Variants in CDH8 observed in about 807,000 individuals in gnomAD.
CDH8 encodes the protein cadherin 8, also known as cadherin-8.
In CDH8, 17 loss-of-function variants were observed where a neutral mutation model predicts 68.1. The observed-to-expected ratio is 0.25, with a 90% CI of 0.17 to 0.37. The LOEUF (loss-of-function observed/expected upper bound fraction) is 0.37, where lower values mean the gene tolerates loss of function less well. CDH8 is among the 10% of genes least tolerant of loss of function. The pLI is 1.00. For missense variants in CDH8, 763 were observed against 999.3 expected (o/e 0.76, Z 3.19); for synonymous variants, 372 against 365.1 (o/e 1.02, Z -0.21).
chr16:61,901,003 C>T (rs978522819), intron 3 of CDH8, 176 bp downstream of exon 3: 4 of 578,014 alleles, frequency 6.9e-6, no homozygotes, highest in Non-Finnish European at 1.2e-5. Flanking sequence ...GTTCCTGTTA[C>T]TAAGGGACTA....
intron 2 of CDH8, among the ~76,000 whole-genome samples, chr16:61,903,586 C>CA (rs1964016441): frequency 6.6e-6 from 1 of 152,222 alleles, no homozygotes; most frequent in East Asian, 1.9e-4. Flanking sequence ...GCTGGGATTA[C>CA]AGGCGTGAGC....
chr16:61,882,188 A>C (rs1243932736), intron 3 of CDH8, among the ~76,000 whole-genome samples: 1 of 152,198 alleles, frequency 6.6e-6, no homozygotes, highest in East Asian at 1.9e-4. Flanking sequence ...TACTTTAATC[A>C]TGATATCTTG....
At chr16:61,755,118 G>GA in intron 8 of CDH8, among the ~76,000 whole-genome samples, 1 of 152,200 alleles carries the variant, frequency 6.6e-6, no homozygotes, top group Middle Eastern at 3.2e-3. Context: ...CGACTCTTGT[G>GA]AAAAGAAGTT....
intron 4 of CDH8, among the ~76,000 whole-genome samples, chr16:61,827,889 C>T (rs549882146): frequency 1.3e-5 from 2 of 151,908 alleles, no homozygotes; most frequent in East Asian, 2.0e-4. Context: ...TGACCACAAA[C>T]CTTACTGATA....
chr16:61,864,630 C>T (rs565464314), intron 3 of CDH8, among the ~76,000 whole-genome samples: 7 of 152,184 alleles, frequency 4.6e-5, no homozygotes, highest in East Asian at 1.9e-4. Flanking sequence ...GCAACTTAGG[C>T]GTGTCTTTGC....
rs190969858 is a variant in CDH8 at position 61,773,481 on chromosome 16, T to C, written c.1414+15865A>G. On this transcript the variant is annotated intron_variant, in intron 8 of 11. Coordinates refer to ENST00000577390, the MANE Select transcript of CDH8 (RefSeq NM_001796.5). Reference sequence around the variant, plus strand: ...TATCTGTACTGGTATTTGTGTATTGTTTATAAAATTTTAGAGAAATAATAC... The same window carrying C: ...TATCTGTACTGGTATTTGTGTATTGCTTATAAAATTTTAGAGAAATAATAC... Among the ~76,000 whole-genome samples, 8 of 152,228 alleles carry C rather than the reference T, an allele frequency of 5.3e-5. No homozygotes were observed. The East Asian group carries it at 1.4e-3, about 26-fold the overall frequency.
chr16:61,994,940 G>A (rs1965785236), intron 2 of CDH8, among the ~76,000 whole-genome samples: 1 of 152,148 alleles, frequency 6.6e-6, no homozygotes, highest in South Asian at 2.1e-4. Flanking sequence ...TTTTATTGAA[G>A]TTATAACTGT....
chr16:61,949,047 T>C (rs1964844766), intron 2 of CDH8, among the ~76,000 whole-genome samples: 1 of 152,250 alleles, frequency 6.6e-6, no homozygotes, highest in South Asian at 2.1e-4. Context: ...TAAAAAGTTC[T>C]GATTACTCTT....
At chr16:61,654,607 T>G in intron 11 of CDH8, among the ~76,000 whole-genome samples, 1 of 152,176 alleles carries the variant, frequency 6.6e-6, no homozygotes, top group South Asian at 2.1e-4. Context: ...CATGGGCAAC[T>G]TGTCTTGTGG....
intron 8 of CDH8, among the ~76,000 whole-genome samples, chr16:61,769,109 T>G (rs1273602441): frequency 6.6e-6 from 1 of 151,814 alleles, no homozygotes; most frequent in Non-Finnish European, 1.5e-5. Context: ...AAGTGCCATA[T>G]AGTCTCTGGA....
At chr16:61,756,836 T>C (rs1960332831) in intron 8 of CDH8, among the ~76,000 whole-genome samples, 1 of 152,174 alleles carries the variant, frequency 6.6e-6, no homozygotes, top group South Asian at 2.1e-4. Context: ...ATTCTCACTG[T>C]CCTAGAAGTT....
In CDH8 at chr16:61,926,368, C is replaced by A. The variant is rs1048695547; in HGVS notation, c.253-24895G>T. On this transcript the variant is annotated intron_variant, in intron 2 of 11. Coordinates refer to ENST00000577390, the MANE Select transcript of CDH8 (RefSeq NM_001796.5). ...ATGCCTGACAGCAGCCCATTAATCT[C>A]CAATACTTCACATTCCTTTCCAAAG... Among the ~76,000 whole-genome samples, 7 of 152,144 alleles carry A rather than the reference C, an allele frequency of 4.6e-5. No homozygotes were observed. The East Asian group carries it at 1.3e-3, about 29-fold the overall frequency.
At chr16:61,758,358 GATAAATCAGTTAAAGAAGAA>G (rs1479209796) in intron 8 of CDH8, among the ~76,000 whole-genome samples, 2 of 152,140 alleles carry the variant, frequency 1.3e-5, no homozygotes, top group Non-Finnish European at 2.9e-5. Context: ...TGTGAATAGA[GATAAATCAGTTAAAGAAGAA>G]ACTTTTTCTG....
intron 2 of CDH8, among the ~76,000 whole-genome samples, chr16:61,958,449 A>C (rs1193090729): frequency 1.3e-5 from 2 of 152,198 alleles, no homozygotes; most frequent in African/African-American, 4.8e-5. Flanking sequence ...GCAACATAAT[A>C]AAATTCTATC....
At chr16:61,966,056 A>G (rs1410084952) in intron 2 of CDH8, among the ~76,000 whole-genome samples, 3 of 152,230 alleles carry the variant, frequency 2.0e-5, no homozygotes. Flanking sequence ...AAGAAATAGC[A>G]ATTAATTCAT....
At chr16:61,700,945 T>G (rs750263203) in intron 10 of CDH8, among the ~76,000 whole-genome samples, 15 of 152,236 alleles carry the variant, frequency 9.9e-5, no homozygotes, top group Non-Finnish European at 1.5e-4. Flanking sequence ...TATGTGCTAA[T>G]TACCCTGATT....
At chr16:61,915,448 T>A (rs941565507) in intron 2 of CDH8, among the ~76,000 whole-genome samples, 1 of 152,208 alleles carries the variant, frequency 6.6e-6, no homozygotes, top group Admixed American at 6.5e-5. Flanking sequence ...ATATCACATG[T>A]AGCAAGTGAT....
chr16:61,812,502 A>G (rs1410078796), intron 7 of CDH8, among the ~76,000 whole-genome samples: 1 of 152,186 alleles, frequency 6.6e-6, no homozygotes, highest in Non-Finnish European at 1.5e-5. Context: ...GGGAAACAAT[A>G]GAAAGTGATT....
At position 61,875,478 on chromosome 16, in the gene CDH8, T is replaced by C. The variant is rs555955622; in HGVS notation, c.548-18240A>G. On this transcript the variant is annotated intron_variant, in intron 3 of 11. Coordinates refer to ENST00000577390, the MANE Select transcript of CDH8 (RefSeq NM_001796.5). ...CAAGTTGAAGAACCAGTGCATTACA[T>C]GAGCAGGAACGGGACTATTATATTG... Among the ~76,000 whole-genome samples the C allele has an allele frequency of 1.8e-4, 27 of 152,282 alleles. No individual in the cohort carries two copies. The East Asian group carries it at 5.2e-3, about 30-fold the overall frequency.
Sources: allele counts gnomAD v4.1 joint callset (sites outside exome capture counted in the v4.1 genomes callset), GRCh38; gene constraint gnomAD v4.1.1; transcripts MANE v1.5; gene names NCBI Gene and HGNC (gene_info 2026-07-23, HGNC 2026-07-21).